The following PCP4 variants were observed in gnomAD, a reference collection of about 807,000 sequenced individuals.
The protein encoded by PCP4 is Purkinje cell protein 4.
In PCP4, 8 loss-of-function variants were observed where a neutral mutation model predicts 10.0. That is an observed-to-expected ratio of 0.80 (90% CI 0.47 to 1.45). The LOEUF (loss-of-function observed/expected upper bound fraction) is 1.45. PCP4 is among the 40% of genes most tolerant of loss of function. The pLI is 0.00. For missense variants in PCP4, 54 were observed against 74.4 expected (o/e 0.73, Z 1.01); for synonymous variants, 21 against 23.0 (o/e 0.91, Z 0.24).
rs542583525 is a variant in PCP4 at position 39,902,570 on chromosome 21, A to G, written c.61+4043A>G. 4.6e-5 allele frequency among the ~76,000 whole-genome samples: 7 copies of G among 152,338 alleles called. No individual in the cohort carries two copies. In the East Asian group the frequency reaches 1.3e-3, roughly 29 times the overall value. On this transcript the variant is annotated intron_variant, in intron 2 of 2. Transcript: ENST00000328619. ...AACATGGTATTTATTGATGTGAAAT[A>G]TGACCTACTGCATACTCTCCAGAAT...
chr21:39,867,593 G>A, intron 1 of PCP4, 83 bp downstream of exon 1: 1 of 1,258,440 alleles, frequency 7.9e-7, no homozygotes, highest in Non-Finnish European at 1.2e-6. Flanking sequence ...GAAATGTGAG[G>A]GACTTAGCAG....
chr21:39,874,230 C>T (rs2087333637), intron 1 of PCP4, among the ~76,000 whole-genome samples: 1 of 152,132 alleles, frequency 6.6e-6, no homozygotes, highest in Non-Finnish European at 1.5e-5. Context: ...AGGTTTCTGC[C>T]CTCCATTTTA....
chr21:39,872,434 A>G (rs2087325020), intron 1 of PCP4, among the ~76,000 whole-genome samples: 1 of 152,226 alleles, frequency 6.6e-6, no homozygotes, highest in Non-Finnish European at 1.5e-5. Context: ...GGACGCACAG[A>G]TAATATCAGG....
rs572175304 is a variant in PCP4, at chr21:39,899,971, C to T, written c.61+1444C>T. Among the ~76,000 whole-genome samples, 49 of 150,752 alleles carry T rather than the reference C, an allele frequency of 3.3e-4. 1 individual carries two copies. The highest frequency in any genetic ancestry group is 2.8e-3 in the Admixed American group (42 of 15,210). Reference sequence around the variant, plus strand: ...TTCATGCAAGTTCCTTTCCACTGAACCTCACAACCTTAGAATTAGAGTTTT... The same window carrying T: ...TTCATGCAAGTTCCTTTCCACTGAATCTCACAACCTTAGAATTAGAGTTTT... On this transcript the variant is annotated intron_variant, in intron 2 of 2. Coordinates refer to ENST00000328619, the MANE Select transcript of PCP4 (RefSeq NM_006198.3).
chr21:39,882,261 G>A (rs562288918), intron 1 of PCP4, among the ~76,000 whole-genome samples: 8 of 152,272 alleles, frequency 5.3e-5, no homozygotes, highest in South Asian at 4.2e-4. Flanking sequence ...CGAGTGCAGC[G>A]GTACATTACG....
chr21:39,899,565 C>T (rs896772530), intron 2 of PCP4, among the ~76,000 whole-genome samples: 7 of 152,164 alleles, frequency 4.6e-5, no homozygotes, highest in African/African-American at 1.4e-4. Flanking sequence ...CCATTTAGGG[C>T]AGTCCTATTG....
intron 2 of PCP4, among the ~76,000 whole-genome samples, chr21:39,913,140 T>G (rs7276473): frequency 0.87 from 132,366 of 152,150 alleles, 57,889 homozygotes; most frequent in Middle Eastern, 0.96. Flanking sequence ...AGAACTCATC[T>G]TCCTGATAAG....
chr21:39,868,017 A>T (rs1482493231), intron 1 of PCP4, among the ~76,000 whole-genome samples: 2 of 152,200 alleles, frequency 1.3e-5, no homozygotes, highest in Admixed American at 6.5e-5. Flanking sequence ...AAATGCAAAA[A>T]GTAGTAGGAA....
chr21:39,882,635 A>G (rs1402209906), intron 1 of PCP4, among the ~76,000 whole-genome samples: 4 of 152,228 alleles, frequency 2.6e-5, no homozygotes, highest in Non-Finnish European at 5.9e-5. Context: ...AGGGACAGGC[A>G]GGCATCCTTA....
At chr21:39,891,560 A>G (rs2087431513) in intron 1 of PCP4, among the ~76,000 whole-genome samples, 2 of 152,212 alleles carry the variant, frequency 1.3e-5, no homozygotes. Context: ...ATAAAGGCAT[A>G]AGACGAAGAG....
At chr21:39,882,224 A>G (rs741792) in intron 1 of PCP4, among the ~76,000 whole-genome samples, 21,920 of 152,146 alleles carry the variant, frequency 0.14, 1,861 homozygotes, top group Middle Eastern at 0.22. Flanking sequence ...TCTTTCTCAC[A>G]CCTTTTTGTT....
chr21:39,877,661 C>T (rs1334882539), intron 1 of PCP4, among the ~76,000 whole-genome samples: 1 of 152,078 alleles, frequency 6.6e-6, no homozygotes, highest in Non-Finnish European at 1.5e-5. Flanking sequence ...CATGCCACTG[C>T]ACTCCAGCCT....
intron 1 of PCP4, among the ~76,000 whole-genome samples, chr21:39,880,164 CTATAT>C (rs1568850648): frequency 2.1e-5 from 3 of 143,800 alleles, no homozygotes; most frequent in African/African-American, 3.0e-5. Context: ...ATATCTATAT[CTATAT>C]CTATATCTAT....
chr21:39,922,757 C>G (rs932359528), intron 2 of PCP4, among the ~76,000 whole-genome samples: 7 of 152,166 alleles, frequency 4.6e-5, no homozygotes, highest in African/African-American at 1.7e-4. Context: ...AGGTAATGGA[C>G]AGGTAGCTAG....
intron 2 of PCP4, among the ~76,000 whole-genome samples, chr21:39,928,456 C>T (rs576753517): frequency 4.7e-4 from 72 of 152,204 alleles, no homozygotes; most frequent in South Asian, 1.2e-3. Flanking sequence ...AAAGTTCAGT[C>T]GAACTGTGAA....
chr21:39,898,588 A>G, intron 2 of PCP4, 61 bp downstream of exon 2: 1 of 1,308,824 alleles, frequency 7.6e-7, no homozygotes, highest in Non-Finnish European at 1.1e-6. Flanking sequence ...CTGGGTATGC[A>G]GCAGGTGCGG....
intron 1 of PCP4, among the ~76,000 whole-genome samples, chr21:39,889,393 T>A: frequency 6.7e-6 from 1 of 149,360 alleles, no homozygotes; most frequent in East Asian, 2.0e-4. Flanking sequence ...CTCACCAAAT[T>A]AAATATCAAA....
chr21:39,886,661 T>C (rs2276522), intron 1 of PCP4, among the ~76,000 whole-genome samples: 21,160 of 152,122 alleles, frequency 0.14, 1,783 homozygotes, highest in Middle Eastern at 0.22. Flanking sequence ...TCAGAGGGAG[T>C]TCCAAATGAA....
intron 2 of PCP4, among the ~76,000 whole-genome samples, chr21:39,903,739 G>A (rs1398657927): frequency 6.6e-6 from 1 of 151,676 alleles, no homozygotes; most frequent in Non-Finnish European, 1.5e-5. Context: ...GCGGTGGCGG[G>A]CGCCTGTAGT....
Sources: allele counts gnomAD v4.1 joint callset (sites outside exome capture counted in the v4.1 genomes callset), GRCh38; gene constraint gnomAD v4.1.1; transcripts MANE v1.5; gene names NCBI Gene and HGNC (gene_info 2026-07-23, HGNC 2026-07-21).